Variants in BFSP1 observed in about 807,000 individuals in gnomAD.
BFSP1 encodes beaded filament structural protein 1.
BFSP1 carries 38 observed loss-of-function variants against 43.9 expected under a neutral mutation model. The ratio of observed to expected loss-of-function variants is 0.87; its 90% confidence interval spans 0.67 to 1.14. BFSP1 has a LOEUF of 1.14. Among genes scored for constraint, BFSP1 ranks in the 50% most tolerant of loss-of-function variants. The pLI is 0.00. For synonymous variants in BFSP1, 352 were observed against 354.8 expected, an observed-to-expected ratio of 0.99 and a Z score of 0.09; for missense variants, 850 against 875.1, an observed-to-expected ratio of 0.97 and a Z score of 0.36.
intron 1 of BFSP1, among the ~76,000 whole-genome samples, chr20:17,564,189 C>G (rs1028115386): frequency 1.3e-5 from 2 of 151,850 alleles, no homozygotes; most frequent in African/African-American, 4.8e-5. Context: ...CACACACACA[C>G]ACACAGACAC....
chr20:17,568,895 A>C (rs944003260), intron 1 of BFSP1, among the ~76,000 whole-genome samples: 2 of 152,136 alleles, frequency 1.3e-5, no homozygotes, highest in African/African-American at 4.8e-5. Context: ...CGGTAACCTA[A>C]ATTAATTTAT....
At position 17,507,272 on chromosome 20, in the gene BFSP1, G is replaced by GGTGTGTGTGTGT. The variant is rs373485156; in HGVS notation, c.735+1605_735+1616dup. Among the ~76,000 whole-genome samples the GGTGTGTGTGTGT allele has an allele frequency of 1.3e-4, 18 of 141,312 alleles. No individual in the cohort carries two copies. The highest frequency in any genetic ancestry group is 4.8e-4 in the African/African-American group (18 of 37,876). 92.7% of individuals were successfully genotyped at this position (141,312 alleles called of 152,430 possible). On this transcript the variant is annotated intron_variant, in intron 5 of 7. Coordinates refer to ENST00000377873, the MANE Select transcript of BFSP1 (RefSeq NM_001195.5). This position sits in a 1 kb window ranked among gnomAD's most constrained non-coding sequence, Gnocchi z 4.4. ...GCGAGCCATACACATCAGATAGGTA[G>GGTGTGTGTGTGT]GTGTGTGTGTGTGTGTGTGTGTGTG... is the stretch of plus-strand genomic sequence containing the variant.
rs1031157229 is a variant in BFSP1, at chr20:17,525,388, C to T, written c.378-480G>A. 2.6e-5 allele frequency among the ~76,000 whole-genome samples: 4 copies of T among 152,134 alleles called. No individual in the cohort carries two copies. Among genetic ancestry groups the T allele is most frequent in the African/African-American group, 7.2e-5 (3 of 41,406 alleles). On this transcript the variant is annotated intron_variant, in intron 1 of 7. Coordinates refer to ENST00000377873, the MANE Select transcript of BFSP1 (RefSeq NM_001195.5). This position sits in a 1 kb window ranked among gnomAD's most constrained non-coding sequence, Gnocchi z 4.2. ...TTATGTCATTTAATCCTTACATCACCCCAGAAGAAAGCAGTTATTGTTAGT... is the reference window on the plus strand; with the variant it reads ...TTATGTCATTTAATCCTTACATCACTCCAGAAGAAAGCAGTTATTGTTAGT...
At chr20:17,495,409 G>A (rs960808950) in intron 7 of BFSP1, among the ~76,000 whole-genome samples, 2 of 152,354 alleles carry the variant, frequency 1.3e-5, no homozygotes, top group East Asian at 1.9e-4. Context: ...GCTCACAGCA[G>A]ACACTTGGAT....
chr20:17,551,980 TC>T (rs2034902655), intron 1 of BFSP1, among the ~76,000 whole-genome samples: 1 of 151,748 alleles, frequency 6.6e-6, no homozygotes, highest in Non-Finnish European at 1.5e-5. Context: ...AGCAAGACTC[TC>T]TCTCAAAAAG....
chr20:17,555,368 C>T (rs994042313), intron 1 of BFSP1, among the ~76,000 whole-genome samples: 8 of 140,106 alleles, frequency 5.7e-5, no homozygotes, highest in Non-Finnish European at 1.2e-4. Flanking sequence ...ATTACAGAAA[C>T]ATGGCCGGCA....
intron 2 of BFSP1, among the ~76,000 whole-genome samples, chr20:17,515,782 A>G (rs1397152793): frequency 5.3e-5 from 8 of 152,246 alleles, no homozygotes; most frequent in Non-Finnish European, 1.0e-4. Context: ...CCAACACCTG[A>G]GGCCTTGGGA....
intron 7 of BFSP1, among the ~76,000 whole-genome samples, chr20:17,495,941 A>G (rs2033621677): frequency 6.6e-6 from 1 of 152,210 alleles, no homozygotes. Context: ...GACATGGGTC[A>G]CAAAGCCACA....
upstream of BFSP1, chr20:17,531,488 C>CG: frequency 3.6e-6 from 4 of 1,099,718 alleles, no homozygotes; most frequent in Non-Finnish European, 4.6e-6. Context: ...GGCCCGGGCG[C>CG]GGGAGAAGAA....
At chr20:17,497,666 G>A (rs1038482414) in intron 6 of BFSP1, among the ~76,000 whole-genome samples, 5 of 146,832 alleles carry the variant, frequency 3.4e-5, no homozygotes, top group Admixed American at 2.7e-4. Context: ...TCATATATAC[G>A]TATATACATA....
chr20:17,543,460 G>A (rs1009750956), intron 1 of BFSP1, among the ~76,000 whole-genome samples: 7 of 152,124 alleles, frequency 4.6e-5, no homozygotes, highest in Non-Finnish European at 8.8e-5. Flanking sequence ...TTTAAGCTGG[G>A]AAGCCAGTTT....
chr20:17,524,088 C>T (rs1328955467), intron 2 of BFSP1, among the ~76,000 whole-genome samples: 1 of 152,134 alleles, frequency 6.6e-6, no homozygotes, highest in Non-Finnish European at 1.5e-5. Flanking sequence ...ACTAAATAGT[C>T]TCCATGGGTC....
rs1600667507 is a variant in BFSP1 at position 17,531,126 on chromosome 20, G to A, written c.204C>T (p.Leu68=). Residue 68 remains leucine, a synonymous_variant, in exon 1 of 8, where the codon CTC becomes CTT. Transcript: ENST00000377873. The part of the protein sequence containing the change: ...ARALEQRHAG[L]RRQLDAFQRL... ...GCTGGAAGGCATCCAGCTGCCTCCG[G>A]AGCCCGGCATGGCGCTGCTCGAGGG... The A allele has an allele frequency of 7.5e-7, 1 of 1,334,984 alleles. No individual in the cohort carries two copies. Among genetic ancestry groups the A allele is most frequent in the Non-Finnish European group, 9.6e-7 (1 of 1,045,950 alleles). 82.7% of individuals were successfully genotyped at this position (1,334,984 alleles called of 1,614,324 possible). A position where few individuals can be genotyped will look rare whatever the true frequency, so the allele number is the denominator to read the frequency against.
At chr20:17,567,403 C>A (rs909971283) in intron 1 of BFSP1, among the ~76,000 whole-genome samples, 4 of 152,152 alleles carry the variant, frequency 2.6e-5, no homozygotes, top group African/African-American at 9.7e-5. Context: ...ATGGAAAATG[C>A]ACATAAATAA....
upstream of BFSP1, among the ~76,000 whole-genome samples, chr20:17,561,348 A>AC (rs2035065034): frequency 6.6e-6 from 1 of 152,042 alleles, no homozygotes. Flanking sequence ...AATACAAAAA[A>AC]ATTAGCTGGG....
At chr20:17,508,805 C>G in intron 5 of BFSP1, 84 bp downstream of exon 5, 2 of 1,277,812 alleles carry the variant, frequency 1.6e-6, no homozygotes, top group Non-Finnish European at 2.1e-6. Flanking sequence ...GACAGCTCCT[C>G]AAGCTGCATG....
chr20:17,545,923 T>C (rs1372890228), intron 1 of BFSP1, among the ~76,000 whole-genome samples: 2 of 152,214 alleles, frequency 1.3e-5, no homozygotes, highest in Non-Finnish European at 2.9e-5. Context: ...AAATGGTGTG[T>C]TCCTCCTCTT....
At chr20:17,552,346 A>G (rs2034908534) in intron 1 of BFSP1, among the ~76,000 whole-genome samples, 1 of 152,192 alleles carries the variant, frequency 6.6e-6, no homozygotes. Flanking sequence ...AGAGGCCATC[A>G]TGGCAAGAGT....
intron 1 of BFSP1, among the ~76,000 whole-genome samples, chr20:17,566,717 C>T (rs1272832325): frequency 3.9e-5 from 6 of 152,108 alleles, no homozygotes; most frequent in African/African-American, 9.7e-5. Flanking sequence ...TGCAGTGGCA[C>T]GATCTCAGCT....
Sources: allele counts gnomAD v4.1 joint callset (sites outside exome capture counted in the v4.1 genomes callset), GRCh38; gene constraint gnomAD v4.1.1; non-coding constraint Gnocchi (gnomAD v3.1); transcripts MANE v1.5; gene names NCBI Gene and HGNC (gene_info 2026-07-23, HGNC 2026-07-21).